The following MERTK variants were observed in gnomAD, a reference collection of about 807,000 sequenced individuals.
MERTK encodes MER proto-oncogene, tyrosine kinase.
Under a neutral mutation model 99.3 loss-of-function variants are expected in MERTK, and 69 were observed. The observed-to-expected ratio is 0.70, with a 90% CI of 0.57 to 0.85. The LOEUF is 0.85. MERTK is among the 40% of genes least tolerant of loss of function. MERTK has a pLI of 0.00. For synonymous variants in MERTK, 426 were observed against 467.6 expected, an observed-to-expected ratio of 0.91 and a Z score of 1.15; for missense variants, 1,125 against 1,249.4, an observed-to-expected ratio of 0.90 and a Z score of 1.50.
At chr2:111,963,105 A>G (rs943919251) in intron 4 of MERTK, among the ~76,000 whole-genome samples, 2 of 151,878 alleles carry the variant, frequency 1.3e-5, no homozygotes, top group African/African-American at 4.9e-5. Context: ...AAACACGTGA[A>G]CAAAGGTCTC....
chr2:111,968,437 G>A (rs1487001066), intron 6 of MERTK, among the ~76,000 whole-genome samples, 185 bp downstream of exon 6: 1 of 152,162 alleles, frequency 6.6e-6, no homozygotes, highest in Non-Finnish European at 1.5e-5. Context: ...CCATGATACT[G>A]TGTCCTTCCT....
intron 15 of MERTK, among the ~76,000 whole-genome samples, chr2:112,018,411 T>A (rs1215210295): frequency 6.6e-6 from 1 of 152,176 alleles, no homozygotes; most frequent in Admixed American, 6.5e-5. Context: ...TAATACAGAA[T>A]AGAGGCATAA....
At chr2:111,945,651 T>C (rs1479136628) in intron 3 of MERTK, among the ~76,000 whole-genome samples, 3 of 152,176 alleles carry the variant, frequency 2.0e-5, no homozygotes, top group Non-Finnish European at 2.9e-5. Flanking sequence ...GAAAAGGCAA[T>C]CTCTGCCCTC....
intron 7 of MERTK, among the ~76,000 whole-genome samples, chr2:111,975,810 T>C (rs1373080342): frequency 6.6e-6 from 1 of 152,158 alleles, no homozygotes; most frequent in Non-Finnish European, 1.5e-5. Flanking sequence ...CTCCAATATA[T>C]GTGGGGATTT....
intron 6 of MERTK, among the ~76,000 whole-genome samples, chr2:111,974,907 CATATT>C (rs1676212591): frequency 6.6e-6 from 1 of 151,862 alleles, no homozygotes; most frequent in Admixed American, 6.6e-5. Flanking sequence ...TTTGCCAGCA[CATATT>C]ATATCTGTTT....
intron 13 of MERTK, among the ~76,000 whole-genome samples, chr2:112,006,153 A>G (rs1483774954): frequency 6.6e-6 from 1 of 152,178 alleles, no homozygotes; most frequent in African/African-American, 2.4e-5. Context: ...AAGTGCTGGG[A>G]TTACAGCCGT....
At chr2:111,909,987 A>G (rs531253268) in intron 1 of MERTK, among the ~76,000 whole-genome samples, 8 of 152,348 alleles carry the variant, frequency 5.3e-5, no homozygotes, top group Non-Finnish European at 1.2e-4. Flanking sequence ...CATGTTTAAT[A>G]TAGCACTATT....
intron 4 of MERTK, among the ~76,000 whole-genome samples, chr2:111,962,992 G>A (rs981251218): frequency 3.9e-5 from 6 of 152,042 alleles, no homozygotes; most frequent in Admixed American, 1.3e-4. Flanking sequence ...GGATCCTGCC[G>A]GCCTCTGAGT....
chr2:111,945,026 G>A lies in MERTK; in HGVS notation c.549G>A (p.Glu183=), dbSNP rs751795763. ...GTAAGATGAAAATAAACAATGAAGA[G>A]ATCGTGTCTGATCCCATCTACATCG... ...YICKMKINNE[E]IVSDPIYIEV... Residue 183 remains glutamate (E), a synonymous_variant, in exon 3 of 19, where the codon GAG becomes GAA. Transcript: ENST00000295408. 9 of 1,613,640 alleles carry A rather than the reference G, an allele frequency of 5.6e-6. No individual in the cohort carries two copies. The highest frequency in any genetic ancestry group is 7.6e-6 in the Non-Finnish European group (9 of 1,179,686).
Position 111,911,682 on chromosome 2 carries a change from G to A in MERTK, c.61+12886G>A, listed in dbSNP as rs532863902. Among the ~76,000 whole-genome samples, 20 of 136,122 alleles carry A rather than the reference G, an allele frequency of 1.5e-4. 1 individual carries two copies. The highest frequency in any genetic ancestry group is 1.2e-3 in the South Asian group (5 of 4,292). The allele number at this position is 136,122 out of a possible 152,430, so 89.3% of individuals were successfully genotyped here. A position where few individuals can be genotyped will look rare whatever the true frequency, so the allele number is the denominator to read the frequency against. Reference sequence around the variant, plus strand: ...TGGGATTACAGGCATGAGCCATAGCGCCCAGCCTTTTTTTTTTTTTTTTTT... The same window carrying A: ...TGGGATTACAGGCATGAGCCATAGCACCCAGCCTTTTTTTTTTTTTTTTTT... On this transcript the variant is annotated intron_variant, in intron 1 of 18. Coordinates refer to ENST00000295408, the MANE Select transcript of MERTK (RefSeq NM_006343.3).
At chr2:111,993,523 A>G (rs1246246597) in intron 8 of MERTK, among the ~76,000 whole-genome samples, 3 of 152,180 alleles carry the variant, frequency 2.0e-5, no homozygotes, top group African/African-American at 7.2e-5. Flanking sequence ...TTCAGCTTTC[A>G]CAACCCCTAT....
chr2:112,020,060 A>C (rs2104422288), intron 16 of MERTK, among the ~76,000 whole-genome samples: 1 of 152,314 alleles, frequency 6.6e-6, no homozygotes, highest in East Asian at 1.9e-4. Context: ...ATCTTCAAAA[A>C]CAATAACTAT....
intron 4 of MERTK, among the ~76,000 whole-genome samples, chr2:111,961,158 T>TTC (rs1390567685): frequency 1.8e-5 from 2 of 111,154 alleles, no homozygotes; most frequent in Admixed American, 8.3e-5. Flanking sequence ...TTTTCTTTCT[T>TTC]TTTTTTTTTT....
At chr2:111,937,173 G>T (rs1212932320) in intron 2 of MERTK, among the ~76,000 whole-genome samples, 1 of 152,110 alleles carries the variant, frequency 6.6e-6, no homozygotes, top group Non-Finnish European at 1.5e-5. Flanking sequence ...GGCCAGGCAT[G>T]GTGGCTTATG....
chr2:111,976,139 C>T lies in MERTK; in HGVS notation c.1144+667C>T, dbSNP rs1250017895. ...TACAAAGGATACAAATGAAGAGATGCGGAGGATGAGATATAGAAGGAAAGG... is the reference window on the plus strand; with the variant it reads ...TACAAAGGATACAAATGAAGAGATGTGGAGGATGAGATATAGAAGGAAAGG... On this transcript the variant is annotated intron_variant, in intron 7 of 18. Transcript: ENST00000295408. 5.3e-5 allele frequency among the ~76,000 whole-genome samples: 8 copies of T among 152,266 alleles called. No individual in the cohort carries two copies. The East Asian group carries it at 1.5e-3, about 29-fold the overall frequency.
At chr2:111,900,538 G>C (rs1407372927) in intron 1 of MERTK, among the ~76,000 whole-genome samples, 1 of 152,166 alleles carries the variant, frequency 6.6e-6, no homozygotes, top group Non-Finnish European at 1.5e-5. Context: ...CAATAGTTTT[G>C]TGTTAAATAC....
chr2:111,906,241 T>C (rs929916634), intron 1 of MERTK, among the ~76,000 whole-genome samples: 3 of 152,226 alleles, frequency 2.0e-5, no homozygotes, highest in African/African-American at 7.2e-5. Context: ...TGTAATCTGC[T>C]TTTTCTTTGA....
Position 112,028,859 on chromosome 2 carries a change from A to C in MERTK, c.2995A>C (p.Met999Leu), listed in dbSNP as rs1677525034. 6.2e-7 allele frequency: 1 copy of C among 1,613,840 alleles called. No homozygotes were observed. The highest frequency in any genetic ancestry group is 8.5e-7 in the Non-Finnish European group (1 of 1,180,018). Residue 999 changes from methionine (M) to leucine (L), a missense_variant, in exon 19 of 19, where the codon ATG becomes CTG. Physicochemically the swap from Met to Leu is conservative, Grantham distance 15. Transcript: ENST00000295408. Reference protein sequence around the residue: ...DDSSEGSEVLM With the variant: ...DDSSEGSEVLL ...CTCCTCAGAAGGCTCAGAAGTCCTG[A>C]TGTGAGGAGAGGTGCGGGGAGACAT...
chr2:111,961,426 A>G (rs796965670), intron 4 of MERTK, among the ~76,000 whole-genome samples: 7 of 152,006 alleles, frequency 4.6e-5, no homozygotes, highest in Non-Finnish European at 8.8e-5. Flanking sequence ...AAGTGCTGGG[A>G]TTACAGGCAT....
Sources: gnomAD v4.1 joint callset for allele counts (sites outside exome capture counted in the v4.1 genomes callset) on GRCh38, gnomAD v4.1.1 for gene constraint, MANE v1.5 for transcripts, NCBI Gene and HGNC (gene_info 2026-07-23, HGNC 2026-07-21) for gene names.